Variants in TRPM3 observed in about 807,000 individuals in gnomAD.
TRPM3 encodes transient receptor potential cation channel subfamily M member 3.
TRPM3 carries 77 observed loss-of-function variants against 181.2 expected under a neutral mutation model. That is an observed-to-expected ratio of 0.42 (90% CI 0.35 to 0.51). The LOEUF (loss-of-function observed/expected upper bound fraction) is 0.51, where lower values mean the gene tolerates loss of function less well. Among genes scored for constraint, TRPM3 ranks in the 20% least tolerant of loss-of-function variants. TRPM3 has a pLI of 0.01. For synonymous variants in TRPM3, 745 were observed against 796.4 expected (o/e 0.94, Z 1.09); for missense variants, 1,759 against 2,196.7 (o/e 0.80, Z 3.98).
intron 1 of TRPM3, among the ~76,000 whole-genome samples, chr9:71,103,058 T>C (rs1182308433): frequency 6.6e-6 from 1 of 152,192 alleles, no homozygotes; most frequent in Admixed American, 6.6e-5. Flanking sequence ...AGTTGCTTTT[T>C]AGTTTAAGTA....
chr9:70,646,944 G>A (rs7849603), intron 9 of TRPM3, among the ~76,000 whole-genome samples: 58,312 of 148,796 alleles, frequency 0.39, 11,829 homozygotes, highest in African/African-American at 0.5. Flanking sequence ...AAACCTAGAA[G>A]AAATTGATAA....
intron 1 of TRPM3, among the ~76,000 whole-genome samples, chr9:71,396,308 A>C (rs1208357026): frequency 6.6e-6 from 1 of 151,930 alleles, no homozygotes; most frequent in African/African-American, 2.4e-5. Context: ...TTGCTAAAAA[A>C]AAAAAAAAAA....
At chr9:70,674,408 A>T (rs1328094909) in intron 9 of TRPM3, among the ~76,000 whole-genome samples, 1 of 152,218 alleles carries the variant, frequency 6.6e-6, no homozygotes, top group Admixed American at 6.5e-5. Flanking sequence ...CAAGTTAACT[A>T]GGATTTAAGT....
At chr9:71,020,663 A>C (rs2097840285) in intron 1 of TRPM3, among the ~76,000 whole-genome samples, 2 of 152,208 alleles carry the variant, frequency 1.3e-5, no homozygotes. Flanking sequence ...ATGCAAATTA[A>C]ACCCACAATG....
intron 1 of TRPM3, among the ~76,000 whole-genome samples, chr9:70,962,962 C>A (rs1257317232): frequency 6.6e-6 from 1 of 152,058 alleles, no homozygotes; most frequent in African/African-American, 2.4e-5. Flanking sequence ...CTTTTTGGGT[C>A]ATTTTTGTAA....
intron 1 of TRPM3, among the ~76,000 whole-genome samples, chr9:70,878,484 G>A (rs2095914136): frequency 2.6e-5 from 4 of 152,098 alleles, no homozygotes; most frequent in Middle Eastern, 6.8e-3. Flanking sequence ...GAGGTACAAG[G>A]CTTTCCTTGT....
intron 1 of TRPM3, among the ~76,000 whole-genome samples, chr9:70,937,983 G>A (rs931044350): frequency 2.0e-5 from 3 of 152,160 alleles, no homozygotes; most frequent in Non-Finnish European, 2.9e-5. Context: ...TTTGAGAACC[G>A]TGGTCTCCTA....
At chr9:71,083,670 T>G (rs2064777456) in intron 1 of TRPM3, among the ~76,000 whole-genome samples, 1 of 151,452 alleles carries the variant, frequency 6.6e-6, no homozygotes, top group Admixed American at 6.6e-5. Context: ...GGGCATTTAT[T>G]GTAACCAGTG....
intron 1 of TRPM3, among the ~76,000 whole-genome samples, chr9:71,020,957 C>G (rs1435999217): frequency 1.3e-5 from 2 of 152,056 alleles, no homozygotes; most frequent in African/African-American, 4.8e-5. Context: ...TCACAATAAG[C>G]TAACTAACTG....
chr9:71,108,960 T>C (rs769486933), intron 1 of TRPM3, among the ~76,000 whole-genome samples: 1 of 152,192 alleles, frequency 6.6e-6, no homozygotes, highest in Non-Finnish European at 1.5e-5. Context: ...TGGCAGACAT[T>C]GAGTAAAGCA....
At chr9:70,691,707 C>A (rs2068617814) in intron 8 of TRPM3, among the ~76,000 whole-genome samples, 1 of 152,152 alleles carries the variant, frequency 6.6e-6, no homozygotes, top group Non-Finnish European at 1.5e-5. Context: ...CACAGAAAAT[C>A]ATTTCTTTTT....
intron 1 of TRPM3, among the ~76,000 whole-genome samples, chr9:71,019,410 A>C (rs2134477325): frequency 6.6e-6 from 1 of 152,224 alleles, no homozygotes; most frequent in African/African-American, 2.4e-5. Flanking sequence ...TCATTATCTA[A>C]AAGGTCAATA....
chr9:70,997,347 C>T (rs1454705349), intron 1 of TRPM3, among the ~76,000 whole-genome samples: 1 of 152,174 alleles, frequency 6.6e-6, no homozygotes, highest in Non-Finnish European at 1.5e-5. Context: ...AGGCTCCCGC[C>T]ACCACACTGG....
intron 22 of TRPM3, among the ~76,000 whole-genome samples, chr9:70,565,252 CA>C (rs1313713425): frequency 6.6e-6 from 1 of 152,154 alleles, no homozygotes; most frequent in African/African-American, 2.4e-5. Context: ...AGTTAAAATA[CA>C]ACAAATAAAC....
At chr9:70,563,765 T>C (rs1303191631) in intron 22 of TRPM3, among the ~76,000 whole-genome samples, 2 of 152,052 alleles carry the variant, frequency 1.3e-5, no homozygotes, top group African/African-American at 2.4e-5. Flanking sequence ...AAATGATTGA[T>C]TGATTATTGA....
intron 8 of TRPM3, among the ~76,000 whole-genome samples, chr9:70,752,781 G>A (rs1028602262): frequency 4.6e-5 from 7 of 152,102 alleles, no homozygotes; most frequent in African/African-American, 1.7e-4. Context: ...TAGAACCTAG[G>A]TGTGTAGTAG....
chr9:71,245,211 G>A (rs1254019125), intron 1 of TRPM3, among the ~76,000 whole-genome samples: 1 of 152,110 alleles, frequency 6.6e-6, no homozygotes, highest in Admixed American at 6.5e-5. Context: ...CACTTTGGGA[G>A]GCCAAGTTGG....
At chr9:70,982,092 T>C (rs1243770872) in intron 1 of TRPM3, among the ~76,000 whole-genome samples, 2 of 152,220 alleles carry the variant, frequency 1.3e-5, no homozygotes, top group Non-Finnish European at 2.9e-5. Context: ...TCTCCCTATC[T>C]ACTCTCCAAA....
intron 1 of TRPM3, among the ~76,000 whole-genome samples, chr9:71,202,410 T>G (rs980650958): frequency 6.6e-6 from 1 of 152,158 alleles, no homozygotes; most frequent in Non-Finnish European, 1.5e-5. Flanking sequence ...GCTGTCTTTT[T>G]GTTTGTCTCT....
Sources: allele counts gnomAD v4.1 joint callset (sites outside exome capture counted in the v4.1 genomes callset), GRCh38; gene constraint gnomAD v4.1.1; transcripts MANE v1.5; gene names NCBI Gene and HGNC (gene_info 2026-07-23, HGNC 2026-07-21).